CLVS1: variants seen among roughly 807,000 people sequenced by gnomAD.
CLVS1 encodes the protein clavesin 1.
Under a neutral mutation model 33.1 loss-of-function variants are expected in CLVS1, and 10 were observed. The ratio of observed to expected loss-of-function variants is 0.30; its 90% CI spans 0.19 to 0.51. The LOEUF is 0.51. Among genes scored for constraint, CLVS1 ranks in the 20% least tolerant of loss-of-function variants. The probability of loss-of-function intolerance (pLI) is 0.97; values close to 1 mark genes in which losing one functional copy is unlikely to be tolerated. For synonymous variants in CLVS1, 163 were observed against 166.1 expected, an observed-to-expected ratio of 0.98 and a Z score of 0.14; for missense variants, 343 against 433.4, an observed-to-expected ratio of 0.79 and a Z score of 1.85.
At chr8:60,992,054 T>C in the CLVS1 span, among the ~76,000 whole-genome samples, 1 of 152,196 alleles carries the variant, frequency 6.6e-6, no homozygotes, top group Non-Finnish European at 1.5e-5. Context: ...GGCCTCCTGC[T>C]GCTTCTTTAG....
chr8:61,396,989 A>G (rs1214279101), intron 3 of CLVS1, among the ~76,000 whole-genome samples: 1 of 152,164 alleles, frequency 6.6e-6, no homozygotes, highest in African/African-American at 2.4e-5. Flanking sequence ...TAATCCTGCT[A>G]TGTACATCCC....
chr8:61,071,957 A>G (rs1804804839), intron 1 of CLVS1, among the ~76,000 whole-genome samples: 1 of 152,202 alleles, frequency 6.6e-6, no homozygotes, highest in Non-Finnish European at 1.5e-5. Flanking sequence ...TTATTTCCTC[A>G]TTCAGCCTGT....
chr8:61,187,829 G>A (rs982255607), intron 2 of CLVS1, among the ~76,000 whole-genome samples: 3 of 149,396 alleles, frequency 2.0e-5, no homozygotes, highest in Non-Finnish European at 4.4e-5. Context: ...GATTATATAT[G>A]TATACATACA....
chr8:61,357,494 CTTTT>C (rs1167743712), intron 2 of CLVS1, among the ~76,000 whole-genome samples: 30 of 25,804 alleles, frequency 1.2e-3, no homozygotes, highest in Non-Finnish European at 1.9e-3. Flanking sequence ...TTTTTCTTTT[CTTTT>C]TTTTTTTTTT....
intron 2 of CLVS1, among the ~76,000 whole-genome samples, chr8:61,259,623 T>C (rs1809156594): frequency 6.6e-6 from 1 of 152,238 alleles, no homozygotes; most frequent in Non-Finnish European, 1.5e-5. Context: ...AGGCAGCATG[T>C]TGCTCATATG....
In CLVS1 at chr8:61,229,559, G is replaced by C. The variant is rs554424969; in HGVS notation, c.-151-70118G>C. Among the ~76,000 whole-genome samples the C allele has an allele frequency of 5.9e-5, 9 of 152,332 alleles. No homozygotes were observed. The South Asian group carries it at 1.9e-3, about 32-fold the overall frequency. ...ACACTGCACCACATTGGCAGAGGGA[G>C]AGTTCTCTCATCCTTGAAGAAAAGC... On this transcript the variant is annotated intron_variant, in intron 2 of 2. Coordinates refer to the CLVS1 transcript ENST00000522621.
chr8:61,270,758 G>A (rs950290791), intron 2 of CLVS1, among the ~76,000 whole-genome samples: 8 of 152,088 alleles, frequency 5.3e-5, no homozygotes, highest in Admixed American at 2.0e-4. Flanking sequence ...TGTATGTGTC[G>A]AGGAATTTAT....
intron 3 of CLVS1, among the ~76,000 whole-genome samples, chr8:61,413,517 T>G (rs1815313561): frequency 1.3e-5 from 2 of 152,164 alleles, no homozygotes; most frequent in Admixed American, 6.5e-5. Context: ...AGCAGTGGGA[T>G]GGACACGATC....
At chr8:61,260,430 T>C (rs1466406057) in intron 2 of CLVS1, among the ~76,000 whole-genome samples, 1 of 152,222 alleles carries the variant, frequency 6.6e-6, no homozygotes, top group Non-Finnish European at 1.5e-5. Context: ...CAAAACATTT[T>C]TCCTTAGGCT....
intron 2 of CLVS1, among the ~76,000 whole-genome samples, chr8:61,343,840 G>T (rs1812110461): frequency 6.6e-6 from 1 of 152,142 alleles, no homozygotes; most frequent in Non-Finnish European, 1.5e-5. Context: ...AAAAGAAAAT[G>T]CTGTATAAAA....
chr8:61,204,155 G>T (rs1369345707), intron 2 of CLVS1, among the ~76,000 whole-genome samples: 2 of 152,160 alleles, frequency 1.3e-5, no homozygotes, highest in Non-Finnish European at 2.9e-5. Flanking sequence ...GCTCCTGCTG[G>T]ATTTGCTCAG....
intron 1 of CLVS1, among the ~76,000 whole-genome samples, chr8:61,069,939 T>C (rs987545153): frequency 6.6e-6 from 1 of 152,198 alleles, no homozygotes; most frequent in Middle Eastern, 3.4e-3. Context: ...GCTGCAGGCA[T>C]GCACCACCAT....
chr8:61,499,412 T>A (rs1804467570), intron 5 of CLVS1, 43 bp from the exon 6 acceptor site: 1 of 1,419,488 alleles, frequency 7.0e-7, no homozygotes, highest in African/African-American at 1.4e-5. Flanking sequence ...ATTGTCACCA[T>A]GAATTGTTTG....
At chr8:61,344,076 G>A (rs1235550002) in intron 2 of CLVS1, among the ~76,000 whole-genome samples, 1 of 151,996 alleles carries the variant, frequency 6.6e-6, no homozygotes, top group Non-Finnish European at 1.5e-5. Context: ...CTTAATGGTA[G>A]GCCCTGTTCT....
At chr8:61,290,139 C>T (rs1049367215) in intron 1 of CLVS1, among the ~76,000 whole-genome samples, 2 of 152,182 alleles carry the variant, frequency 1.3e-5, no homozygotes, top group African/African-American at 2.4e-5. Context: ...ACACCAGAAA[C>T]GCAGTCCAGG....
the CLVS1 span, among the ~76,000 whole-genome samples, chr8:61,046,785 CTGTT>C: frequency 6.6e-6 from 1 of 151,432 alleles, no homozygotes; most frequent in Non-Finnish European, 1.5e-5. Context: ...ATTTGGCTCT[CTGTT>C]TGTCTGTTAT....
At chr8:61,344,331 G>GC in intron 2 of CLVS1, among the ~76,000 whole-genome samples, 1 of 152,290 alleles carries the variant, frequency 6.6e-6, no homozygotes, top group African/African-American at 2.4e-5. Flanking sequence ...ACAGCCATGA[G>GC]CCACCGCACT....
In CLVS1 at chr8:61,057,829, A is replaced by T. The variant is rs1391899153; in HGVS notation, c.-243+599A>T. ...TCTAGAGTTCTTTTATGATGCCTTT[A>T]TATATTTCAGCCTTTCACCTAGAAA... On this transcript the variant is annotated intron_variant, in intron 1 of 2. Coordinates refer to the CLVS1 transcript ENST00000522621. Among the ~76,000 whole-genome samples the T allele has an allele frequency of 2.0e-5, 3 of 152,182 alleles. No individual in the cohort carries two copies. In the East Asian group the frequency reaches 5.8e-4, roughly 29 times the overall value.
intron 2 of CLVS1, chr8:61,202,465 G>T (rs925935206): frequency 3.7e-6 from 3 of 808,220 alleles, no homozygotes; most frequent in African/African-American, 3.3e-5. Context: ...TGATGAAAAT[G>T]AGCGCCAGTT....
Sources: allele counts gnomAD v4.1 joint callset (sites outside exome capture counted in the v4.1 genomes callset), GRCh38; gene constraint gnomAD v4.1.1; transcripts MANE v1.5; gene names NCBI Gene and HGNC (gene_info 2026-07-23, HGNC 2026-07-21).